ZNF470: variants seen among roughly 807,000 people sequenced by gnomAD.
ZNF470 encodes the protein chondrogenesis zinc finger protein 1.
In ZNF470, 13 loss-of-function variants were observed where a neutral mutation model predicts 13.9. That is an observed-to-expected ratio of 0.94 (90% CI 0.61 to 1.49). The LOEUF (loss-of-function observed/expected upper bound fraction) is 1.49, where lower values mean the gene tolerates loss of function less well. ZNF470 is among the 40% of genes most tolerant of loss of function. The probability of loss-of-function intolerance (pLI) is 0.00; values close to 1 mark genes in which losing one functional copy is unlikely to be tolerated. For synonymous variants in ZNF470, 293 were observed against 282.9 expected (o/e 1.04, Z -0.36); for missense variants, 929 against 857.3 (o/e 1.08, Z -1.04).
At position 56,577,575 on chromosome 19, in the gene ZNF470, T is replaced by G; in HGVS notation, c.1146T>G (p.Ser382=). The change falls in exon 6 of 6, where the codon TCT becomes TCG. Residue 382 remains serine (S), a synonymous_variant. Transcript: ENST00000330619. ...GGAAAGCTTTCAGGCAGAATGCTTC[T>G]CTTATACGTCATCGGCGATATTATC... ...DCGKAFRQNA[S]LIRHRRYYHT... The G allele has an allele frequency of 6.2e-7, 1 of 1,614,098 alleles. No homozygotes were observed. The highest frequency in any genetic ancestry group is 8.5e-7 in the Non-Finnish European group (1 of 1,180,012).
In ZNF470 at chr19:56,578,692, C is replaced by T; in HGVS notation, c.*109C>T. 1.5e-6 allele frequency: 2 copies of T among 1,317,914 alleles called. No homozygotes were observed. Among genetic ancestry groups the T allele is most frequent in the Non-Finnish European group, 1.9e-6 (2 of 1,031,090 alleles). 81.6% of individuals were successfully genotyped at this position (1,317,914 alleles called of 1,614,324 possible). A position where few individuals can be genotyped will look rare whatever the true frequency, so the allele number is the denominator to read the frequency against. ...CATCTGGATTTCTGCAGTAGCATAA[C>T]TGTTGCCCCTTTTGCTTCTATCAAC... On this transcript the variant is annotated 3_prime_UTR_variant, in exon 6 of 6. Coordinates refer to ENST00000330619, the MANE Select transcript of ZNF470 (RefSeq NM_001001668.4).
intron 3 of ZNF470, 26 bp downstream of exon 3, chr19:56,570,397 A>G: frequency 6.2e-7 from 1 of 1,611,212 alleles, no homozygotes; most frequent in Non-Finnish European, 8.5e-7. Context: ...CCCTCTCCCC[A>G]CTAAAATAGT....
At chr19:56,571,910 G>T (rs2044454768) in intron 3 of ZNF470, among the ~76,000 whole-genome samples, 1 of 151,764 alleles carries the variant, frequency 6.6e-6, no homozygotes, top group Non-Finnish European at 1.5e-5. Flanking sequence ...GAGCCACTGT[G>T]CCTGGCAAAA....
rs1600572375 is a variant in ZNF470, at chr19:56,581,398, G to A, written c.*2815G>A. 1 of 966,428 alleles carries A rather than the reference G, an allele frequency of 1.0e-6. No homozygotes were observed. Among genetic ancestry groups the A allele is most frequent in the South Asian group, 4.8e-5 (1 of 20,844 alleles). 59.9% of individuals were successfully genotyped at this position (966,428 alleles called of 1,614,324 possible). Reference sequence around the variant, plus strand: ...GTTGATTACATATCTATTGCTTTATGTATATACCCTTTGAATTAATATTCC... The same window carrying A: ...GTTGATTACATATCTATTGCTTTATATATATACCCTTTGAATTAATATTCC... On this transcript the variant is annotated 3_prime_UTR_variant, in exon 6 of 6. Transcript: ENST00000330619.
At position 56,580,978 on chromosome 19, in the gene ZNF470, A is replaced by G. The variant is rs549652520; in HGVS notation, c.*2395A>G. 4.1e-6 allele frequency: 4 copies of G among 984,850 alleles called. No individual in the cohort carries two copies. The South Asian group carries it at 1.9e-4, about 46-fold the overall frequency. 61.0% of individuals were successfully genotyped at this position (984,850 alleles called of 1,614,324 possible). On this transcript the variant is annotated 3_prime_UTR_variant, in exon 6 of 6. Transcript: ENST00000330619. ...AATGTAAAATTAAAGTACATGAAAA[A>G]CAGAATAATATATATGTACCCTCGG...
chr19:56,570,674 A>G (rs1319512752), intron 3 of ZNF470, among the ~76,000 whole-genome samples: 6 of 152,136 alleles, frequency 3.9e-5, no homozygotes, highest in African/African-American at 7.2e-5. Context: ...CAGAAGTACA[A>G]TCCTCAGAGG....
intron 3 of ZNF470, 41 bp from the exon 4 acceptor site, chr19:56,574,353 G>C: frequency 6.2e-7 from 1 of 1,612,792 alleles, no homozygotes; most frequent in Non-Finnish European, 8.5e-7. Flanking sequence ...GCATTGGAAT[G>C]TGAACACTGA....
In ZNF470 at chr19:56,578,509, C is replaced by G. The variant is rs750169316; in HGVS notation, c.2080C>G (p.His694Asp). 70 of 1,604,420 alleles carry G rather than the reference C, an allele frequency of 4.4e-5. No homozygotes were observed. The highest frequency in any genetic ancestry group is 5.6e-5 in the Non-Finnish European group (66 of 1,175,432). Residue 694 changes from histidine to aspartate, a missense_variant, in exon 6 of 6, where the codon CAT (histidine) becomes GAT (aspartate). By Grantham distance (81) the His-to-Asp change is moderately conservative (BLOSUM62 -1). Coordinates refer to ENST00000330619, the MANE Select transcript of ZNF470 (RefSeq NM_001001668.4). ...CTTCAGGCAGAGTGTACATCTTGCT[C>G]ATCATCAGCGAATTCATACCGGAGA... Reference protein sequence around the residue: ...KAFRQSVHLAHHQRIHTGESS... With the variant: ...KAFRQSVHLADHQRIHTGESS...
Position 56,582,452 on chromosome 19 carries a change from C to T in ZNF470, c.*3869C>T. 1.0e-6 allele frequency: 1 copy of T among 985,236 alleles called. No individual in the cohort carries two copies. Among genetic ancestry groups the T allele is most frequent in the African/African-American group, 1.7e-5 (1 of 57,318 alleles). 61.0% of individuals were successfully genotyped at this position (985,236 alleles called of 1,614,324 possible). The stretch of plus-strand genomic sequence containing the variant: ...ACCAAATTTAGAGACTATTTTTATG[C>T]ATTGTTAAAGTGGAATGCTGGTTAA... On this transcript the variant is annotated 3_prime_UTR_variant, in exon 6 of 6. Coordinates refer to ENST00000330619, the MANE Select transcript of ZNF470 (RefSeq NM_001001668.4).
Position 56,578,018 on chromosome 19 carries a change from TACAC to T in ZNF470, c.1592_1595del (p.His531LeufsTer77). The T allele has an allele frequency of 6.2e-7, 1 of 1,613,254 alleles. No individual in the cohort carries two copies. Among genetic ancestry groups the T allele is most frequent in the East Asian group, 2.2e-5 (1 of 44,852 alleles). ...GCACACCTCGCGCAACATCAGAAAA[TACAC>T]ACTGGGGAGAAACCTTATGAATGTA... On this transcript the variant is annotated frameshift_variant, in exon 6 of 6. Coordinates refer to ENST00000330619, the MANE Select transcript of ZNF470 (RefSeq NM_001001668.4). LOFTEE classifies it low-confidence loss of function (END_TRUNC).
rs1467937057 is a variant in ZNF470, at chr19:56,576,908, C to G, written c.479C>G (p.Thr160Ser). The change falls in exon 6 of 6, where the codon ACC becomes AGC. Residue 160 changes from threonine to serine, a missense_variant. Physicochemically the swap from Thr to Ser is moderately conservative, Grantham distance 58. Transcript: ENST00000330619. ...CAGAAGACACATTTTAGGCAAGAGA[C>G]CATCACTCATATAGATACTCTTATT... ...VNQKTHFRQE[T>S]ITHIDTLIEK... The G allele has an allele frequency of 6.3e-7, 1 of 1,575,058 alleles. No individual in the cohort carries two copies. The highest frequency in any genetic ancestry group is 1.4e-5 in the African/African-American group (1 of 72,548).
rs866278656 is a variant in ZNF470 at position 56,572,373 on chromosome 19, T to A, written c.60+2002T>A. On this transcript the variant is annotated intron_variant, in intron 3 of 5. Transcript: ENST00000330619. ...AAAAAAAAAAAAAAAAAAAAAAAAA[T>A]ATATATATATATATATAAATTAGCC... Among the ~76,000 whole-genome samples the A allele has an allele frequency of 8.5e-3, 338 of 39,856 alleles. 5 individuals carry two copies. The highest frequency in any genetic ancestry group is 0.012 in the Non-Finnish European group (258 of 21,906). 26.1% of individuals were successfully genotyped at this position (39,856 alleles called of 152,430 possible). A position where few individuals can be genotyped will look rare whatever the true frequency, so the allele number is the denominator to read the frequency against.
Position 56,581,373 on chromosome 19 carries a change from G to A in ZNF470, c.*2790G>A. Reference sequence around the variant, plus strand: ...TGTGTGGAAACAAGGGAATTCCATTGTTGATTACATATCTATTGCTTTATG... The same window carrying A: ...TGTGTGGAAACAAGGGAATTCCATTATTGATTACATATCTATTGCTTTATG... On this transcript the variant is annotated 3_prime_UTR_variant, in exon 6 of 6. Transcript: ENST00000330619. 2.1e-6 allele frequency: 2 copies of A among 956,588 alleles called. No individual in the cohort carries two copies. Among genetic ancestry groups the A allele is most frequent in the Non-Finnish European group, 2.5e-6 (2 of 803,674 alleles). 59.3% of individuals were successfully genotyped at this position (956,588 alleles called of 1,614,324 possible).
chr19:56,569,648 T>C (rs987498007), intron 2 of ZNF470, among the ~76,000 whole-genome samples: 1 of 152,114 alleles, frequency 6.6e-6, no homozygotes, highest in African/African-American at 2.4e-5. Flanking sequence ...ACAGTATTAA[T>C]ATATGCAGCA....
chr19:56,567,510 C>G lies in ZNF470; in HGVS notation c.-687C>G, dbSNP rs1342449486. The G allele has an allele frequency of 4.1e-6, 4 of 985,898 alleles. No homozygotes were observed. The highest frequency in any genetic ancestry group is 4.8e-6 in the Non-Finnish European group (4 of 830,390). The allele number at this position is 985,898 out of a possible 1,614,324, so 61.1% of individuals were successfully genotyped here. The stretch of plus-strand genomic sequence containing the variant: ...AAAGCCGGGCGAGTGCACGTCCCGC[C>G]GGTTGCTGAGGAGAAGGGAGGTCTG... On this transcript the variant is annotated 5_prime_UTR_variant, in exon 1 of 6. Transcript: ENST00000330619.
At chr19:56,573,497 T>G (rs1873403355) in intron 3 of ZNF470, among the ~76,000 whole-genome samples, 1 of 152,224 alleles carries the variant, frequency 6.6e-6, no homozygotes. Flanking sequence ...TTGATATAAG[T>G]GAAGTCATAA....
At position 56,567,766 on chromosome 19, in the gene ZNF470, C is replaced by T. The variant is rs2044421693; in HGVS notation, c.-431C>T. The T allele has an allele frequency of 1.0e-6, 1 of 987,350 alleles. No homozygotes were observed. Among genetic ancestry groups the T allele is most frequent in the Non-Finnish European group, 1.2e-6 (1 of 831,410 alleles). 61.2% of individuals were successfully genotyped at this position (987,350 alleles called of 1,614,324 possible). On this transcript the variant is annotated 5_prime_UTR_variant, in exon 1 of 6. Coordinates refer to ENST00000330619, the MANE Select transcript of ZNF470 (RefSeq NM_001001668.4). ...TGCGCCTGCGTGCATGGCCCGGCGG[C>T]GTGCGGAAGGCGGTGTGTGTTGGAA...
Position 56,581,650 on chromosome 19 carries a change from G to A in ZNF470, c.*3067G>A. On this transcript the variant is annotated 3_prime_UTR_variant, in exon 6 of 6. Coordinates refer to ENST00000330619, the MANE Select transcript of ZNF470 (RefSeq NM_001001668.4). ...ATTGCAGACCTGTATTGTAGTATAGGCCCATAATTGTGATATCAAAAATAA... is the reference window on the plus strand; with the variant it reads ...ATTGCAGACCTGTATTGTAGTATAGACCCATAATTGTGATATCAAAAATAA... 3 of 948,066 alleles carry A rather than the reference G, an allele frequency of 3.2e-6. No homozygotes were observed. The highest frequency in any genetic ancestry group is 3.8e-6 in the Non-Finnish European group (3 of 796,040). The allele number at this position is 948,066 out of a possible 1,614,324, so 58.7% of individuals were successfully genotyped here.
Position 56,579,527 on chromosome 19 carries a change from C to T in ZNF470, c.*944C>T. ...CAAAAAAACTTGAATAGATTAATAG[C>T]CATGAAACACTGAAAAGGGTAGTTC... On this transcript the variant is annotated 3_prime_UTR_variant, in exon 6 of 6. Coordinates refer to ENST00000330619, the MANE Select transcript of ZNF470 (RefSeq NM_001001668.4). 1.0e-6 allele frequency: 1 copy of T among 985,342 alleles called. No individual in the cohort carries two copies. The highest frequency in any genetic ancestry group is 1.2e-6 in the Non-Finnish European group (1 of 829,928). 61.0% of individuals were successfully genotyped at this position (985,342 alleles called of 1,614,324 possible).
Sources: allele counts gnomAD v4.1 joint callset (sites outside exome capture counted in the v4.1 genomes callset), GRCh38; gene constraint gnomAD v4.1.1; transcripts MANE v1.5; gene names NCBI Gene and HGNC (gene_info 2026-07-23, HGNC 2026-07-21).